Variants in FBXW4 observed in about 807,000 individuals in gnomAD.
The protein encoded by FBXW4 is F-box and WD repeat domain containing 4, also known as F-box/WD repeat-containing protein 4.
FBXW4 carries 40 observed loss-of-function variants against 61.8 expected under a neutral mutation model. The observed-to-expected ratio is 0.65, with a 90% CI of 0.50 to 0.84. The LOEUF (loss-of-function observed/expected upper bound fraction) is 0.84, where lower values mean the gene tolerates loss of function less well. FBXW4 is among the 40% of genes least tolerant of loss of function. FBXW4 has a pLI of 0.00. For missense variants in FBXW4, 672 were observed against 753.8 expected, an observed-to-expected ratio of 0.89 and a Z score of 1.27; for synonymous variants, 311 against 313.8, an observed-to-expected ratio of 0.99 and a Z score of 0.10.
At chr10:101,682,963 T>C (rs1470268639) in intron 1 of FBXW4, among the ~76,000 whole-genome samples, 2 of 152,234 alleles carry the variant, frequency 1.3e-5, no homozygotes, top group Non-Finnish European at 2.9e-5. Flanking sequence ...TTTCCCTAGC[T>C]GTTGGCCAAA....
At chr10:101,628,780 A>G (rs2063927168) in intron 5 of FBXW4, among the ~76,000 whole-genome samples, 1 of 152,220 alleles carries the variant, frequency 6.6e-6, no homozygotes, top group Admixed American at 6.5e-5. Flanking sequence ...CACTCATGCA[A>G]GTACACATAT....
At chr10:101,685,212 C>A (rs779321854) in intron 1 of FBXW4, among the ~76,000 whole-genome samples, 2 of 152,182 alleles carry the variant, frequency 1.3e-5, no homozygotes, top group Admixed American at 6.6e-5. Context: ...TCCAAACATG[C>A]CATCTGAACT....
rs531189581 is a variant in FBXW4, at chr10:101,624,184, A to G, written c.1301+561T>C. 1.2e-3 allele frequency among the ~76,000 whole-genome samples: 181 copies of G among 152,158 alleles called. 2 individuals carry two copies. Among genetic ancestry groups the G allele is most frequent in the Non-Finnish European group, 2.0e-3 (136 of 68,008 alleles). ...GTCTATTTCCTGGTTTGATTATTAC[A>G]TATTATGTAAGATGTTACACAAACA... On this transcript the variant is annotated intron_variant, in intron 6 of 8. Transcript: ENST00000331272.
intron 2 of FBXW4, among the ~76,000 whole-genome samples, chr10:101,674,501 C>A (rs988798047): frequency 6.6e-6 from 1 of 152,126 alleles, no homozygotes. Context: ...GAAGAATAAA[C>A]CTAGGGAAGC....
intron 5 of FBXW4, among the ~76,000 whole-genome samples, chr10:101,656,912 C>G (rs2064190152): frequency 6.6e-6 from 1 of 152,182 alleles, no homozygotes; most frequent in African/African-American, 2.4e-5. Context: ...GGCACCCCAC[C>G]TGTCCCCCCT....
At chr10:101,624,470 T>C (rs2063892030) in intron 6 of FBXW4, among the ~76,000 whole-genome samples, 1 of 152,268 alleles carries the variant, frequency 6.6e-6, no homozygotes, top group Admixed American at 6.5e-5. Flanking sequence ...TATAGCCACA[T>C]AGGCATTCCT....
At position 101,627,073 on chromosome 10, in the gene FBXW4, A is replaced by C. The variant is rs185370446; in HGVS notation, c.1236-2263T>G. Among the ~76,000 whole-genome samples the C allele has an allele frequency of 1.2e-4, 17 of 144,848 alleles. No homozygotes were observed. The East Asian group carries it at 3.5e-3, about 30-fold the overall frequency. ...TTTTTTTTTTTTTTTTTTTAAATAG[A>C]GACAGGGGTCTCACTATGTTGCCCA... On this transcript the variant is annotated intron_variant, in intron 5 of 8. Coordinates refer to ENST00000331272, the MANE Select transcript of FBXW4 (RefSeq NM_022039.4).
intron 6 of FBXW4, among the ~76,000 whole-genome samples, chr10:101,620,193 G>A (rs369006293): frequency 7.5e-4 from 115 of 152,340 alleles, no homozygotes; most frequent in African/African-American, 2.1e-3. Context: ...AAGTCCTGCC[G>A]GCAATGCTGC....
At chr10:101,654,332 T>G (rs754456313) in intron 5 of FBXW4, among the ~76,000 whole-genome samples, 14 of 152,078 alleles carry the variant, frequency 9.2e-5, no homozygotes, top group Non-Finnish European at 1.9e-4. Flanking sequence ...TTTCTAAAAA[T>G]CATGGAATTG....
At chr10:101,641,891 G>A (rs1006680595) in intron 5 of FBXW4, among the ~76,000 whole-genome samples, 2 of 151,528 alleles carry the variant, frequency 1.3e-5, no homozygotes, top group Admixed American at 6.6e-5. Flanking sequence ...CCAGGCACAG[G>A]CACAGTGGTT....
chr10:101,658,285 A>G (rs954227519), intron 5 of FBXW4, among the ~76,000 whole-genome samples: 2 of 152,188 alleles, frequency 1.3e-5, no homozygotes, highest in Non-Finnish European at 2.9e-5. Context: ...GGTGGCGCAC[A>G]TCTATAATCC....
At chr10:101,660,453 C>A (rs2064232119) in intron 5 of FBXW4, among the ~76,000 whole-genome samples, 3 of 152,116 alleles carry the variant, frequency 2.0e-5, no homozygotes. Flanking sequence ...GGCTTCCCGG[C>A]TGCTCAGAGA....
At chr10:101,672,150 A>C (rs1179373733) in intron 4 of FBXW4, among the ~76,000 whole-genome samples, 1 of 152,212 alleles carries the variant, frequency 6.6e-6, no homozygotes, top group Non-Finnish European at 1.5e-5. Flanking sequence ...TAGGAAATAC[A>C]TAACAAGACA....
intron 1 of FBXW4, among the ~76,000 whole-genome samples, chr10:101,690,907 G>A (rs530088075): frequency 1.3e-5 from 2 of 152,128 alleles, no homozygotes; most frequent in Non-Finnish European, 2.9e-5. Flanking sequence ...GCTATATACA[G>A]ACTAACTAGA....
chr10:101,668,060 GT>G, intron 4 of FBXW4, 80 bp from the exon 5 acceptor site: 2 of 1,074,700 alleles, frequency 1.9e-6, no homozygotes, highest in Non-Finnish European at 2.9e-6. Flanking sequence ...AGAGGTGACT[GT>G]TGGAGGTGGA....
At chr10:101,678,658 GAC>G (rs1355618950) in intron 1 of FBXW4, among the ~76,000 whole-genome samples, 1 of 152,118 alleles carries the variant, frequency 6.6e-6, no homozygotes, top group Non-Finnish European at 1.5e-5. Flanking sequence ...TCGATCTCCT[GAC>G]CTCGTGATCC....
In FBXW4 at chr10:101,695,018, T is replaced by G; in HGVS notation, c.88A>C (p.Arg30=). 9.6e-7 allele frequency: 1 copy of G among 1,043,762 alleles called. No homozygotes were observed. The highest frequency in any genetic ancestry group is 1.2e-6 in the Non-Finnish European group (1 of 868,012). 64.7% of individuals were successfully genotyped at this position (1,043,762 alleles called of 1,614,324 possible). The part of the protein sequence containing the change: ...GGEARKLQEG[R]VARGKRRKGK... The stretch of plus-strand genomic sequence containing the variant: ...TTCCTTCGCTTCCCCCTCGCCACCC[T>G]CCCTTCCTGCAGCTTCCTCGCCTCT... Residue 30 remains arginine (R), a synonymous_variant, in exon 1 of 9, where the codon AGG becomes CGG. Coordinates refer to ENST00000331272, the MANE Select transcript of FBXW4 (RefSeq NM_022039.4). This position sits in a 1 kb window ranked among gnomAD's most constrained non-coding sequence, Gnocchi z 4.2.
chr10:101,649,415 T>C (rs567423214), intron 5 of FBXW4, among the ~76,000 whole-genome samples: 2 of 152,240 alleles, frequency 1.3e-5, no homozygotes, highest in African/African-American at 2.4e-5. Flanking sequence ...CTCTCAGGCT[T>C]TTTATGAGCT....
intron 5 of FBXW4, among the ~76,000 whole-genome samples, chr10:101,629,291 CT>C (rs200313671): frequency 6.7e-4 from 99 of 146,974 alleles, no homozygotes; most frequent in South Asian, 8.6e-4. Flanking sequence ...ACCACTTTCC[CT>C]TTTTTTTTTT....
Sources: allele counts gnomAD v4.1 joint callset (sites outside exome capture counted in the v4.1 genomes callset), GRCh38; gene constraint gnomAD v4.1.1; non-coding constraint Gnocchi (gnomAD v3.1); transcripts MANE v1.5; gene names NCBI Gene and HGNC (gene_info 2026-07-23, HGNC 2026-07-21).